Variants in SORCS1 observed in about 807,000 individuals in gnomAD.
SORCS1 encodes the protein VPS10 domain-containing receptor SorCS1.
SORCS1 carries 60 observed loss-of-function variants against 146.1 expected under a neutral mutation model. That is an observed-to-expected ratio of 0.41 (90% CI 0.33 to 0.51). SORCS1 has a LOEUF of 0.51. Ranked by LOEUF, SORCS1 falls within the 20% of genes least tolerant of loss-of-function variation. SORCS1 has a pLI of 0.21. For synonymous variants in SORCS1, 637 were observed against 584.0 expected, an observed-to-expected ratio of 1.09 and a Z score of -1.31; for missense variants, 1,352 against 1,487.6, an observed-to-expected ratio of 0.91 and a Z score of 1.50.
chr10:106,978,822 G>A (rs1355540365), intron 1 of SORCS1, among the ~76,000 whole-genome samples: 2 of 151,342 alleles, frequency 1.3e-5, no homozygotes, highest in Non-Finnish European at 2.9e-5. Flanking sequence ...AGACTAAATA[G>A]TAAGTATTTT....
chr10:107,168,852 C>A (rs1360512824), upstream of SORCS1, among the ~76,000 whole-genome samples: 1 of 152,094 alleles, frequency 6.6e-6, no homozygotes, highest in Admixed American at 6.6e-5. Context: ...TACTCCAAAT[C>A]CAACTAATAA....
chr10:107,035,331 T>G (rs1229582165), intron 1 of SORCS1, among the ~76,000 whole-genome samples: 1 of 151,914 alleles, frequency 6.6e-6, no homozygotes, highest in East Asian at 1.9e-4. Flanking sequence ...ATGGTTCTCT[T>G]TGGAGGAAAG....
chr10:107,116,190 G>A (rs1030595104), intron 1 of SORCS1, among the ~76,000 whole-genome samples: 1 of 152,058 alleles, frequency 6.6e-6, no homozygotes, highest in Non-Finnish European at 1.5e-5. Context: ...TAGCCATTAT[G>A]TAAGACAGTA....
At chr10:107,009,593 C>A (rs1311992702) in intron 1 of SORCS1, among the ~76,000 whole-genome samples, 1 of 152,126 alleles carries the variant, frequency 6.6e-6, no homozygotes, top group Non-Finnish European at 1.5e-5. Context: ...GAATGACATT[C>A]AAAGTTAAGT....
chr10:106,619,141 A>T (rs567145794), intron 20 of SORCS1, among the ~76,000 whole-genome samples: 1 of 151,912 alleles, frequency 6.6e-6, no homozygotes, highest in South Asian at 2.1e-4. Context: ...AAGGAAAAAT[A>T]AAAAAAATAA....
chr10:106,804,781 C>G (rs1295224662), intron 3 of SORCS1, among the ~76,000 whole-genome samples: 1 of 152,058 alleles, frequency 6.6e-6, no homozygotes, highest in African/African-American at 2.4e-5. Flanking sequence ...ATTACAGCAA[C>G]CCCTGGTACA....
intron 1 of SORCS1, among the ~76,000 whole-genome samples, chr10:107,082,933 C>T (rs1017621245): frequency 1.8e-4 from 27 of 151,438 alleles, no homozygotes; most frequent in Non-Finnish European, 2.7e-4. Flanking sequence ...GGTGAAACCC[C>T]GTCTCTAGAA....
intron 1 of SORCS1, among the ~76,000 whole-genome samples, chr10:107,053,077 T>A (rs1329257061): frequency 6.6e-6 from 1 of 152,168 alleles, no homozygotes; most frequent in Non-Finnish European, 1.5e-5. Context: ...ATTTCCTATG[T>A]GTAAATCAAA....
intron 3 of SORCS1, among the ~76,000 whole-genome samples, chr10:106,822,790 T>TGTTTGTTTG (rs1445803905): frequency 6.8e-6 from 1 of 147,626 alleles, no homozygotes; most frequent in African/African-American, 2.6e-5. Context: ...TGGTTTTTTT[T>TGTTTGTTTG]TTTTTTTTTT....
intron 2 of SORCS1, among the ~76,000 whole-genome samples, chr10:106,954,154 T>A (rs765448262): frequency 1.3e-5 from 2 of 152,264 alleles, no homozygotes; most frequent in Non-Finnish European, 2.9e-5. Context: ...GCAGGCATGT[T>A]CTTTCCACTG....
chr10:107,033,910 A>G (rs1296978246), intron 1 of SORCS1, among the ~76,000 whole-genome samples: 1 of 152,220 alleles, frequency 6.6e-6, no homozygotes, highest in African/African-American at 2.4e-5. Context: ...GAGCCTCCAC[A>G]TAAAGAAATA....
chr10:106,675,197 A>G (rs775062479), intron 13 of SORCS1, 41 bp from the exon 14 acceptor site: 4 of 1,358,844 alleles, frequency 2.9e-6, no homozygotes, highest in Non-Finnish European at 4.1e-6. Flanking sequence ...TCTCCAAAGG[A>G]AAAAAAAATG....
At chr10:106,752,102 T>C (rs537728914) in intron 5 of SORCS1, among the ~76,000 whole-genome samples, 3 of 152,320 alleles carry the variant, frequency 2.0e-5, no homozygotes, top group African/African-American at 4.8e-5. Context: ...AATCACCTAG[T>C]TAGTTAATAG....
chr10:107,011,480 C>G (rs1957694288), intron 1 of SORCS1, among the ~76,000 whole-genome samples: 1 of 152,196 alleles, frequency 6.6e-6, no homozygotes, highest in Non-Finnish European at 1.5e-5. Flanking sequence ...AATGCTGTGT[C>G]TTTGCTTCTG....
Position 107,110,419 on chromosome 10 carries a change from C to G in SORCS1, c.558+53550G>C, listed in dbSNP as rs117678569. Among the ~76,000 whole-genome samples the G allele has an allele frequency of 2.0e-3, 300 of 152,176 alleles. 10 individuals are homozygous for G. The East Asian group carries it at 0.053, about 27-fold the overall frequency. On this transcript the variant is annotated intron_variant, in intron 1 of 25. Coordinates refer to ENST00000263054, the MANE Select transcript of SORCS1 (RefSeq NM_052918.5). Reference sequence around the variant, plus strand: ...GGCATTTGCCCAGCTTCCGGTGAAGCCTCAGGGAGCTTTCAATCATGGTGG... The same window carrying G: ...GGCATTTGCCCAGCTTCCGGTGAAGGCTCAGGGAGCTTTCAATCATGGTGG...
At chr10:106,577,767 C>G (rs868282234) in intron 25 of SORCS1, 6 of 907,842 alleles carry the variant, frequency 6.6e-6, no homozygotes, top group Middle Eastern at 3.7e-4. Flanking sequence ...AATGAGTAGA[C>G]AGGGTGAATG....
chr10:107,081,789 C>T (rs574215297), intron 1 of SORCS1, among the ~76,000 whole-genome samples: 80 of 152,314 alleles, frequency 5.3e-4, no homozygotes, highest in Non-Finnish European at 1.0e-3. Context: ...ATTGGCCCTT[C>T]CTCTGGCTAT....
At chr10:106,666,903 A>T (rs1589613521) in intron 17 of SORCS1, among the ~76,000 whole-genome samples, 1 of 151,900 alleles carries the variant, frequency 6.6e-6, no homozygotes, top group Admixed American at 6.6e-5. Flanking sequence ...TATACATCCT[A>T]TTGGTTTTGT....
At chr10:107,089,297 CT>C (rs1375646659) in intron 1 of SORCS1, among the ~76,000 whole-genome samples, 9 of 152,162 alleles carry the variant, frequency 5.9e-5, no homozygotes, top group Non-Finnish European at 1.2e-4. Context: ...TTGACATGAA[CT>C]AAAAACTGTT....
Sources: gnomAD v4.1 joint callset for allele counts (sites outside exome capture counted in the v4.1 genomes callset) on GRCh38, gnomAD v4.1.1 for gene constraint, MANE v1.5 for transcripts, NCBI Gene and HGNC (gene_info 2026-07-23, HGNC 2026-07-21) for gene names.